The following UBE2E2 variants were observed in gnomAD, a reference collection of about 807,000 sequenced individuals.
UBE2E2 encodes the protein ubiquitin conjugating enzyme E2 E2.
Under a neutral mutation model 24.7 loss-of-function variants are expected in UBE2E2, and 6 were observed. That is an observed-to-expected ratio of 0.24 (90% CI 0.13 to 0.48). The LOEUF is 0.48. Ranked by LOEUF, UBE2E2 falls within the 20% of genes least tolerant of loss-of-function variation. UBE2E2 has a pLI of 0.99. For synonymous variants in UBE2E2, 104 were observed against 83.6 expected, an observed-to-expected ratio of 1.24 and a Z score of -1.33; for missense variants, 169 against 245.0, an observed-to-expected ratio of 0.69 and a Z score of 2.07.
chr3:23,467,993 A>T (rs1698959390), intron 3 of UBE2E2, among the ~76,000 whole-genome samples: 1 of 152,176 alleles, frequency 6.6e-6, no homozygotes, highest in Non-Finnish European at 1.5e-5. Flanking sequence ...CCCATGATTC[A>T]GTCATCTCCC....
At chr3:23,400,607 A>AACAC (rs3087043) in intron 3 of UBE2E2, among the ~76,000 whole-genome samples, 17,220 of 137,720 alleles carry the variant, frequency 0.13, 1,055 homozygotes, top group Non-Finnish European at 0.15. Flanking sequence ...GAATAAATGA[A>AACAC]ACACACACAC....
chr3:23,332,029 G>A (rs921411226), intron 3 of UBE2E2, among the ~76,000 whole-genome samples: 2 of 152,076 alleles, frequency 1.3e-5, no homozygotes, highest in Admixed American at 6.5e-5. Flanking sequence ...ACCTTAATAC[G>A]GATCTGAAAT....
chr3:23,451,798 G>A lies in UBE2E2; in HGVS notation c.228-47810G>A, dbSNP rs139608549. 5.6e-3 allele frequency among the ~76,000 whole-genome samples: 856 copies of A among 152,152 alleles called. 9 individuals are homozygous for A. The highest frequency in any genetic ancestry group is 0.02 in the African/African-American group (827 of 41,508). On this transcript the variant is annotated intron_variant, in intron 3 of 5. Coordinates refer to ENST00000396703, the MANE Select transcript of UBE2E2 (RefSeq NM_152653.4). ...CTCAACAAGAAATCTCTATGTTGGT[G>A]GAGTTTTAAAAAATATATTTATGCT...
intron 4 of UBE2E2, among the ~76,000 whole-genome samples, chr3:23,526,385 T>G (rs911255962): frequency 2.6e-5 from 4 of 152,158 alleles, no homozygotes; most frequent in Non-Finnish European, 5.9e-5. Context: ...TAAGTTATGG[T>G]TCTAAAACGC....
chr3:23,444,012 A>G (rs1045716809), intron 3 of UBE2E2, among the ~76,000 whole-genome samples: 1 of 151,692 alleles, frequency 6.6e-6, no homozygotes, highest in Non-Finnish European at 1.5e-5. Flanking sequence ...ACCGTGAGGC[A>G]GTAATTGATA....
intron 3 of UBE2E2, among the ~76,000 whole-genome samples, chr3:23,226,349 A>C (rs540217891): frequency 6.6e-6 from 1 of 152,172 alleles, no homozygotes; most frequent in African/African-American, 2.4e-5. Context: ...AATTATTGTC[A>C]CTAATTATTT....
chr3:23,574,417 G>A (rs1486608028), intron 5 of UBE2E2, among the ~76,000 whole-genome samples: 1 of 152,120 alleles, frequency 6.6e-6, no homozygotes, highest in African/African-American at 2.4e-5. Context: ...CATGCTTGAG[G>A]GGATGAATAC....
intron 3 of UBE2E2, among the ~76,000 whole-genome samples, chr3:23,345,892 A>C (rs1695541798): frequency 6.6e-6 from 1 of 152,168 alleles, no homozygotes; most frequent in African/African-American, 2.4e-5. Flanking sequence ...GCAGTGCCTG[A>C]GTAGGAAAGT....
rs147080226 is a variant in UBE2E2, at chr3:23,370,115, C to G, written c.228-129493C>G. On this transcript the variant is annotated intron_variant, in intron 3 of 5. Coordinates refer to ENST00000396703, the MANE Select transcript of UBE2E2 (RefSeq NM_152653.4). ...TCTGTTGCATGTTTGTTTCCCCATC[C>G]TTTTACCATTGTTGCATTTTGTTTT... Among the ~76,000 whole-genome samples the G allele has an allele frequency of 6.1e-3, 922 of 152,300 alleles. 10 individuals are homozygous for G. Among genetic ancestry groups the G allele is most frequent in the Non-Finnish European group, 9.9e-3 (676 of 68,016 alleles).
intron 3 of UBE2E2, among the ~76,000 whole-genome samples, chr3:23,400,327 C>G (rs1697187593): frequency 6.6e-6 from 1 of 152,104 alleles, no homozygotes; most frequent in Admixed American, 6.6e-5. Context: ...AGGAATGAAG[C>G]TAGCCTTTTA....
At chr3:23,220,575 T>C (rs1456155530) in intron 3 of UBE2E2, among the ~76,000 whole-genome samples, 2 of 152,236 alleles carry the variant, frequency 1.3e-5, no homozygotes, top group African/African-American at 2.4e-5. Flanking sequence ...TTAACTGTCA[T>C]GTTGGCTAAC....
chr3:23,310,300 C>CTTTTT (rs34141165), intron 3 of UBE2E2, among the ~76,000 whole-genome samples: 1,516 of 144,062 alleles, frequency 0.011, 21 homozygotes, highest in African/African-American at 0.019. Flanking sequence ...AAAGGCATGC[C>CTTTTT]TTTTTTTTTT....
chr3:23,260,375 T>A (rs1697862968), intron 3 of UBE2E2, among the ~76,000 whole-genome samples: 1 of 152,222 alleles, frequency 6.6e-6, no homozygotes, highest in Non-Finnish European at 1.5e-5. Flanking sequence ...ATTAAAAGAC[T>A]GTATATGAAA....
chr3:23,554,914 A>C (rs1251076956), intron 5 of UBE2E2, among the ~76,000 whole-genome samples: 1 of 151,576 alleles, frequency 6.6e-6, no homozygotes, highest in Admixed American at 6.6e-5. Flanking sequence ...ACCTGAATAT[A>C]CCTTTTTTTT....
chr3:23,272,977 G>A (rs1698286832), intron 3 of UBE2E2, among the ~76,000 whole-genome samples: 1 of 151,972 alleles, frequency 6.6e-6, no homozygotes, highest in Non-Finnish European at 1.5e-5. Context: ...TTCTCTTCAG[G>A]CCATCAACTG....
chr3:23,324,717 A>G (rs1267507154), intron 3 of UBE2E2, among the ~76,000 whole-genome samples: 1 of 152,086 alleles, frequency 6.6e-6, no homozygotes, highest in East Asian at 1.9e-4. Context: ...GTAAAGCTGC[A>G]GGAAAGAAAA....
chr3:23,248,583 C>A, intron 3 of UBE2E2, among the ~76,000 whole-genome samples: 1 of 152,198 alleles, frequency 6.6e-6, no homozygotes, highest in East Asian at 1.9e-4. Context: ...TAGTTAATTT[C>A]TGTAAATTCA....
intron 3 of UBE2E2, among the ~76,000 whole-genome samples, chr3:23,356,451 G>A (rs1210343414): frequency 2.0e-5 from 3 of 152,206 alleles, no homozygotes; most frequent in African/African-American, 7.2e-5. Context: ...TCATCCTGAT[G>A]TCAGCCTGTG....
intron 3 of UBE2E2, among the ~76,000 whole-genome samples, chr3:23,255,962 A>G (rs148062413): frequency 6.6e-6 from 1 of 152,338 alleles, no homozygotes; most frequent in East Asian, 1.9e-4. Context: ...GCAACACGGC[A>G]AGACTCTGCC....
Sources: gnomAD v4.1 joint callset for allele counts (sites outside exome capture counted in the v4.1 genomes callset) on GRCh38, gnomAD v4.1.1 for gene constraint, MANE v1.5 for transcripts, NCBI Gene and HGNC (gene_info 2026-07-23, HGNC 2026-07-21) for gene names.